Variants in LRP2 observed in about 807,000 individuals in gnomAD.
LRP2 encodes low-density lipoprotein receptor-related protein 2.
LRP2 carries 172 observed loss-of-function variants against 531.0 expected under a neutral mutation model. The ratio of observed to expected loss-of-function variants is 0.32; its 90% confidence interval spans 0.29 to 0.37. The LOEUF is 0.37. Among genes scored for constraint, LRP2 ranks in the 10% least tolerant of loss-of-function variants. The pLI is 1.00. For synonymous variants in LRP2, 1,992 were observed against 2,027.6 expected, an observed-to-expected ratio of 0.98 and a Z score of 0.47; for missense variants, 5,167 against 5,868.3, an observed-to-expected ratio of 0.88 and a Z score of 3.90.
Position 169,236,524 on chromosome 2 carries a change from A to ACATAACTTG in LRP2, c.4692-465_4692-457dup, listed in dbSNP as rs528961394. 6.4e-3 allele frequency among the ~76,000 whole-genome samples: 980 copies of ACATAACTTG among 152,346 alleles called. 8 individuals are homozygous for ACATAACTTG. Among genetic ancestry groups the ACATAACTTG allele is most frequent in the Non-Finnish European group, 0.011 (720 of 68,038 alleles). On this transcript the variant is annotated intron_variant, in intron 28 of 78. Coordinates refer to ENST00000649046, the MANE Select transcript of LRP2 (RefSeq NM_004525.3). ...ATCTAGGAATTCAACATCACATTGA[A>ACATAACTTG]CATAACTTGCCTAATTTACCATCCT...
chr2:169,329,792 T>G (rs934907503), intron 1 of LRP2, among the ~76,000 whole-genome samples: 17 of 152,170 alleles, frequency 1.1e-4, no homozygotes, highest in Non-Finnish European at 2.4e-4. Flanking sequence ...TCCGCTTGCA[T>G]GGCAAACTAC....
intron 1 of LRP2, among the ~76,000 whole-genome samples, chr2:169,346,000 A>T (rs757071296): frequency 7.9e-5 from 12 of 152,238 alleles, no homozygotes; most frequent in Non-Finnish European, 1.6e-4. Flanking sequence ...GGGAAGAAGT[A>T]ACTACAGCTT....
chr2:169,193,071 C>T (rs992976272), intron 47 of LRP2, among the ~76,000 whole-genome samples: 7 of 152,126 alleles, frequency 4.6e-5, no homozygotes, highest in Non-Finnish European at 7.3e-5. Flanking sequence ...CCCTCCATGC[C>T]GCTTTAAGGT....
chr2:169,280,872 T>G (rs542080723), intron 10 of LRP2, among the ~76,000 whole-genome samples: 4 of 152,218 alleles, frequency 2.6e-5, no homozygotes, highest in Admixed American at 1.3e-4. Context: ...CTTAGCCCCA[T>G]GTGCAACTTT....
rs773085878 is a variant in LRP2 at position 169,157,378 on chromosome 2, G to A, written c.12012C>T (p.Ser4004=). ...GGAAAAAATATACTCTACCTAGACAGGAGGTTCTGTCAAAAACATTGGTTT... is the reference window on the plus strand; with the variant it reads ...GGAAAAAATATACTCTACCTAGACAAGAGGTTCTGTCAAAAACATTGGTTT... ...GFETNVFDRT[S]CLDINECEQF... Residue 4004 remains serine, a synonymous_variant, in exon 64 of 79, where the codon TCC becomes TCT. Transcript: ENST00000649046. The A allele has an allele frequency of 1.8e-5, 29 of 1,613,144 alleles. No individual in the cohort carries two copies. In the East Asian group the frequency reaches 2.9e-4, roughly 16 times the overall value.
intron 16 of LRP2, among the ~76,000 whole-genome samples, chr2:169,269,329 C>T (rs1683333443): frequency 6.6e-6 from 1 of 152,184 alleles, no homozygotes; most frequent in Non-Finnish European, 1.5e-5. Context: ...AAGCTGAAGG[C>T]ATCACACTAC....
chr2:169,271,110 G>A lies in LRP2; in HGVS notation c.2117-3C>T. 2 of 1,609,146 alleles carry A rather than the reference G, an allele frequency of 1.2e-6. No homozygotes were observed. The highest frequency in any genetic ancestry group is 1.1e-5 in the South Asian group (1 of 90,820). ...AAAAATGAGGAAATTCTGAACAGCTGTAGGAAGAATAACACAGCACAGTCA... is the reference window on the plus strand; with the variant it reads ...AAAAATGAGGAAATTCTGAACAGCTATAGGAAGAATAACACAGCACAGTCA... On this transcript the variant is annotated splice_region_variant and splice_polypyrimidine_tract_variant and intron_variant, in intron 15 of 78. Transcript: ENST00000649046.
rs537210492 is a variant in LRP2, at chr2:169,328,441, TAAAAA to T, written c.80-7562_80-7558del. ...ACAGCTCATTGAGAACGGGCCGGGA[TAAAAA>T]AAAAAAAAAAAAAAAAAAGAAAAAA... is the stretch of plus-strand genomic sequence containing the variant. On this transcript the variant is annotated intron_variant, in intron 1 of 78. Coordinates refer to ENST00000649046, the MANE Select transcript of LRP2 (RefSeq NM_004525.3). Among the ~76,000 whole-genome samples, 320 of 49,080 alleles carry T rather than the reference TAAAAA, an allele frequency of 6.5e-3. 1 individual carries two copies. The highest frequency in any genetic ancestry group is 9.6e-3 in the East Asian group (16 of 1,666). 32.2% of individuals were successfully genotyped at this position (49,080 alleles called of 152,430 possible).
chr2:169,221,693 T>TAC (rs369517316), intron 33 of LRP2, among the ~76,000 whole-genome samples: 1,492 of 149,100 alleles, frequency 0.01, 28 homozygotes, highest in African/African-American at 0.035. Context: ...CACGCACACA[T>TAC]ACACACACAC....
chr2:169,196,524 C>T (rs2105318305), intron 46 of LRP2, among the ~76,000 whole-genome samples: 1 of 152,300 alleles, frequency 6.6e-6, no homozygotes, highest in African/African-American at 2.4e-5. Context: ...TAATATACTC[C>T]TTCCCCATGT....
chr2:169,348,616 A>T (rs3770641), intron 1 of LRP2, among the ~76,000 whole-genome samples: 29,808 of 152,120 alleles, frequency 0.2, 3,040 homozygotes, highest in East Asian at 0.28. Flanking sequence ...ACTAACACGA[A>T]GTCTAAAAAC....
At chr2:169,195,672 A>T (rs567850228) in intron 46 of LRP2, among the ~76,000 whole-genome samples, 2 of 152,316 alleles carry the variant, frequency 1.3e-5, no homozygotes, top group South Asian at 4.1e-4. Context: ...TGAACCAATA[A>T]TTCATACATT....
chr2:169,174,110 G>A lies in LRP2; in HGVS notation c.10823C>T (p.Pro3608Leu). 1.9e-6 allele frequency: 3 copies of A among 1,614,208 alleles called. No individual in the cohort carries two copies. The highest frequency in any genetic ancestry group is 2.5e-6 in the Non-Finnish European group (3 of 1,180,024). The change falls in exon 56 of 79, where the codon CCA becomes CTA. Residue 3608 changes from proline (P) to leucine (L), a missense_variant. Coordinates refer to ENST00000649046, the MANE Select transcript of LRP2 (RefSeq NM_004525.3). ...EWQCANKRCIPESWQCDTFND... is the reference protein window; with the variant it reads ...EWQCANKRCILESWQCDTFND... The stretch of plus-strand genomic sequence containing the variant: ...AAATGTGTCACACTGCCAGGATTCT[G>A]GGATGCAACGTTTGTTGGCGCACTG...
intron 1 of LRP2, among the ~76,000 whole-genome samples, chr2:169,333,152 A>T (rs1685309599): frequency 6.6e-6 from 1 of 152,124 alleles, no homozygotes. Context: ...GTAATATGTC[A>T]TTCTCTTTTT....
intron 9 of LRP2, among the ~76,000 whole-genome samples, chr2:169,285,296 A>C (rs1317053112): frequency 2.6e-5 from 4 of 152,172 alleles, no homozygotes; most frequent in Admixed American, 6.5e-5. Context: ...CCTATCACAA[A>C]AAAACAGGAT....
chr2:169,321,951 C>T (rs1169248133), intron 1 of LRP2, among the ~76,000 whole-genome samples: 2 of 152,176 alleles, frequency 1.3e-5, no homozygotes, highest in African/African-American at 2.4e-5. Flanking sequence ...GTGACCTTCC[C>T]AAGCATTATG....
intron 76 of LRP2, among the ~76,000 whole-genome samples, chr2:169,136,183 A>G (rs908908164): frequency 6.6e-6 from 1 of 151,942 alleles, no homozygotes; most frequent in Non-Finnish European, 1.5e-5. Context: ...TCTTCTAACA[A>G]CCCCACAATA....
Position 169,284,378 on chromosome 2 carries a change from C to T in LRP2, c.1043-1377G>A, listed in dbSNP as rs1259893969. On this transcript the variant is annotated intron_variant, in intron 9 of 78. Transcript: ENST00000649046. ...CTCCCGGGTTCAAGTGATCCTTCCA[C>T]CTCAGCCTACCGAGTAGCTGGAACT... is the stretch of plus-strand genomic sequence containing the variant. Among the ~76,000 whole-genome samples the T allele has an allele frequency of 2.7e-5, 4 of 148,958 alleles. No individual in the cohort carries two copies. In the East Asian group the frequency reaches 8.1e-4, roughly 30 times the overall value.
rs1221715549 is a variant in LRP2 at position 169,186,038 on chromosome 2, T to C, written c.9329-19A>G. The C allele has an allele frequency of 1.2e-6, 2 of 1,610,376 alleles. No homozygotes were observed. The highest frequency in any genetic ancestry group is 1.3e-5 in the African/African-American group (1 of 74,982). On this transcript the variant is annotated intron_variant, in intron 49 of 78. Coordinates refer to ENST00000649046, the MANE Select transcript of LRP2 (RefSeq NM_004525.3). ...TTAATGCCTGTAGGTAAAAAGCAGT[T>C]CTTAGAGATCCTAAAATATCAACGA...
Sources: gnomAD v4.1 joint callset for allele counts (sites outside exome capture counted in the v4.1 genomes callset) on GRCh38, gnomAD v4.1.1 for gene constraint, MANE v1.5 for transcripts, NCBI Gene and HGNC (gene_info 2026-07-23, HGNC 2026-07-21) for gene names.